Variants in UGGT1 observed in about 807,000 individuals in gnomAD.
UGGT1 encodes UDP-glucose:glycoprotein glucosyltransferase 1.
UGGT1 carries 107 observed loss-of-function variants against 203.9 expected under a neutral mutation model. That is an observed-to-expected ratio of 0.52 (90% CI 0.45 to 0.62). UGGT1 has a LOEUF of 0.62. Ranked by LOEUF, UGGT1 falls within the 20% of genes least tolerant of loss-of-function variation. The probability of loss-of-function intolerance (pLI) is 0.00; values close to 1 mark genes in which losing one functional copy is unlikely to be tolerated. For synonymous variants in UGGT1, 628 were observed against 653.5 expected (o/e 0.96, Z 0.59); for missense variants, 1,673 against 1,867.2 (o/e 0.90, Z 1.92).
chr2:128,091,400 G>A lies in UGGT1; in HGVS notation c.43G>A (p.Ala15Thr). The A allele has an allele frequency of 2.5e-6, 4 of 1,580,498 alleles. No individual in the cohort carries two copies. Among genetic ancestry groups the A allele is most frequent in the Non-Finnish European group, 2.6e-6 (3 of 1,163,260 alleles). ...CGCGAGCGGTGCGTGTGCCGCGGGT[G>A]CGCTGCCGGTGACAGGTACCCAGGG... ...GDASGACAAGALPVTGVCYKM... is the reference protein window; with the variant it reads ...GDASGACAAGTLPVTGVCYKM... The change falls in exon 1 of 41, where the codon GCG (alanine) becomes ACG (threonine). Residue 15 changes from alanine (A) to threonine (T), a missense_variant. By Grantham distance (58) the Ala-to-Thr change is moderately conservative (BLOSUM62 0). Around this residue, in one of 4 missense-constraint regions of UGGT1, gnomAD observed 83 missense variants for 87.2 expected, o/e 0.95. Transcript: ENST00000259253.
chr2:128,113,302 C>T (rs1435843170), intron 6 of UGGT1, 44 bp downstream of exon 6: 1 of 1,470,190 alleles, frequency 6.8e-7, no homozygotes, highest in Non-Finnish European at 9.2e-7. Context: ...TGTAATTTGC[C>T]TAGCATGACT....
intron 16 of UGGT1, among the ~76,000 whole-genome samples, chr2:128,142,812 T>C (rs1689502711): frequency 6.6e-6 from 1 of 151,650 alleles, no homozygotes; most frequent in South Asian, 2.1e-4. Flanking sequence ...GTGAAACCTG[T>C]CTCTACTAAA....
intron 17 of UGGT1, 88 bp from the exon 18 acceptor site, chr2:128,145,715 A>T: frequency 1.7e-6 from 2 of 1,159,124 alleles, no homozygotes; most frequent in Non-Finnish European, 2.3e-6. Flanking sequence ...GATTGTTGTT[A>T]GAACAGGCAT....
intron 15 of UGGT1, among the ~76,000 whole-genome samples, chr2:128,137,095 T>A (rs1689162194): frequency 6.6e-6 from 1 of 152,212 alleles, no homozygotes; most frequent in African/African-American, 2.4e-5. Flanking sequence ...TTTAAAACTT[T>A]GGTTGTTTTC....
At chr2:128,098,979 T>C (rs11890861) in intron 2 of UGGT1, among the ~76,000 whole-genome samples, 135,493 of 152,108 alleles carry the variant, frequency 0.89, 61,341 homozygotes, top group Non-Finnish European at 0.98. Context: ...TCTCAAGTGA[T>C]GTAGAGGTGG....
At chr2:128,127,131 C>T (rs182660844) in intron 11 of UGGT1, among the ~76,000 whole-genome samples, 2 of 152,126 alleles carry the variant, frequency 1.3e-5, no homozygotes, top group East Asian at 1.9e-4. Flanking sequence ...TTTTTAAAAT[C>T]GAGAAGTAAA....
intron 31 of UGGT1, among the ~76,000 whole-genome samples, chr2:128,176,431 AGAG>A (rs1429456880): frequency 6.7e-6 from 1 of 148,364 alleles, no homozygotes; most frequent in Non-Finnish European, 1.5e-5. Flanking sequence ...AAAAAAAAAA[AGAG>A]CGGAGGCAGT....
At chr2:128,136,400 C>T (rs1689130806) in intron 15 of UGGT1, among the ~76,000 whole-genome samples, 1 of 151,896 alleles carries the variant, frequency 6.6e-6, no homozygotes, top group African/African-American at 2.4e-5. Context: ...TCTTTGGCAA[C>T]TACTGATCTT....
rs889486230 is a variant in UGGT1, at chr2:128,193,701, C to CAG, written c.*3962_*3963dup. The CAG allele has an allele frequency of 1.3e-5, 2 of 152,326 alleles. No homozygotes were observed. Among genetic ancestry groups the CAG allele is most frequent in the East Asian group, 3.9e-4 (2 of 5,172 alleles). 9.4% of individuals were successfully genotyped at this position (152,326 alleles called of 1,614,324 possible). The stretch of plus-strand genomic sequence containing the variant: ...CAGGTGGTAGGGAGGAAAGAACTCC[C>CAG]AGAGTTTCCTTTAGCCAGGAAACCT... On this transcript the variant is annotated 3_prime_UTR_variant, in exon 41 of 41. Coordinates refer to ENST00000259253, the MANE Select transcript of UGGT1 (RefSeq NM_020120.4).
chr2:128,132,219 G>A (rs1218515913), intron 13 of UGGT1, among the ~76,000 whole-genome samples: 1 of 147,166 alleles, frequency 6.8e-6, no homozygotes, highest in East Asian at 2.0e-4. Flanking sequence ...TTTTTTTTCC[G>A]ATTTTTTTTT....
chr2:128,160,321 A>C, intron 23 of UGGT1, 139 bp from the exon 24 acceptor site: 1 of 840,968 alleles, frequency 1.2e-6, no homozygotes, highest in Non-Finnish European at 1.7e-6. Flanking sequence ...TGGAGAATTG[A>C]CACATCTTAA....
chr2:128,187,025 G>A (rs945426838), intron 39 of UGGT1, among the ~76,000 whole-genome samples: 2 of 152,070 alleles, frequency 1.3e-5, no homozygotes, highest in African/African-American at 4.8e-5. Context: ...GTAAGCATAA[G>A]TATATAGTTT....
In UGGT1 at chr2:128,119,505, G is replaced by A. The variant is rs115544539; in HGVS notation, c.873-851G>A. 2.2e-3 allele frequency among the ~76,000 whole-genome samples: 332 copies of A among 152,200 alleles called. 3 individuals carry two copies. Among genetic ancestry groups the A allele is most frequent in the African/African-American group, 7.4e-3 (308 of 41,544 alleles). On this transcript the variant is annotated intron_variant, in intron 8 of 40. Coordinates refer to ENST00000259253, the MANE Select transcript of UGGT1 (RefSeq NM_020120.4). ...AAAGTAATGTACTAGCCGTCTGTCT[G>A]ATGTAAATGTTATATCTCTGCCCCA... is the stretch of plus-strand genomic sequence containing the variant.
chr2:128,163,494 T>C (rs1573600417), intron 25 of UGGT1, among the ~76,000 whole-genome samples: 1 of 151,270 alleles, frequency 6.6e-6, no homozygotes, highest in Non-Finnish European at 1.5e-5. Flanking sequence ...GGCGGGCGGA[T>C]CATGAGGTCA....
chr2:128,139,726 C>G (rs1689314888), intron 16 of UGGT1: 1 of 154,436 alleles, frequency 6.5e-6, no homozygotes, highest in African/African-American at 2.4e-5. Flanking sequence ...GGGTTCAGCT[C>G]ACATCATTCA....
chr2:128,134,830 C>T (rs771976058), intron 14 of UGGT1, 46 bp from the exon 15 acceptor site: 1 of 1,565,424 alleles, frequency 6.4e-7, no homozygotes, highest in Non-Finnish European at 8.8e-7. Context: ...CCCACAGATA[C>T]TTGAATAAAT....
chr2:128,156,376 CT>C lies in UGGT1; in HGVS notation c.2237-13del. On this transcript the variant is annotated splice_polypyrimidine_tract_variant and intron_variant, in intron 20 of 40. Transcript: ENST00000259253. ...TGATACTTTTTTTCTACTCTTTTCT[CT>C]TTACCTTTGTTCAGGAATGTCCTCC... 1.3e-6 allele frequency: 2 copies of C among 1,584,460 alleles called. No homozygotes were observed. Among genetic ancestry groups the C allele is most frequent in the Non-Finnish European group, 1.7e-6 (2 of 1,154,668 alleles).
At position 128,173,903 on chromosome 2, in the gene UGGT1, C is replaced by A. The variant is rs956990363; in HGVS notation, c.3417C>A (p.Asn1139Lys). The A allele has an allele frequency of 1.2e-6, 2 of 1,614,194 alleles. No individual in the cohort carries two copies. The highest frequency in any genetic ancestry group is 1.7e-6 in the Non-Finnish European group (2 of 1,180,036). The change falls in exon 30 of 41, where the codon AAC (asparagine) becomes AAA (lysine). Residue 1139 changes from asparagine to lysine, a missense_variant. Asn to Lys is a moderately conservative substitution (Grantham distance 94, BLOSUM62 0). Around this residue, in one of 4 missense-constraint regions of UGGT1, gnomAD observed 513 missense variants for 684.1 expected, o/e 0.75. Transcript: ENST00000259253. ...GLQFTLGTSA[N>K]PVIVDTIVMA... ...AGTTTACCTTAGGAACTTCAGCCAA[C>A]CCGGTCATTGTGGACACCATTGTTA...
Position 128,143,342 on chromosome 2 carries a change from T to A in UGGT1, c.1851+117T>A, listed in dbSNP as rs920719360. The stretch of plus-strand genomic sequence containing the variant: ...GGTTAAAGTGTTTCAGTACTTAGCA[T>A]TTAAAAGTTTAGAAACCAGATCACT... On this transcript the variant is annotated intron_variant, in intron 17 of 40. Transcript: ENST00000259253. The A allele has an allele frequency of 6.0e-6, 7 of 1,170,942 alleles. No individual in the cohort carries two copies. The African/African-American group carries it at 7.9e-5, about 13-fold the overall frequency. The allele number at this position is 1,170,942 out of a possible 1,614,324, so 72.5% of individuals were successfully genotyped here. A position where few individuals can be genotyped will look rare whatever the true frequency, so the allele number is the denominator to read the frequency against.
Sources: allele counts gnomAD v4.1 joint callset (sites outside exome capture counted in the v4.1 genomes callset), GRCh38; gene constraint gnomAD v4.1.1; regional missense constraint gnomAD v4.1.1; transcripts MANE v1.5; gene names NCBI Gene and HGNC (gene_info 2026-07-23, HGNC 2026-07-21).